The following MPPED1 variants were observed in gnomAD, a reference collection of about 807,000 sequenced individuals.
The protein encoded by MPPED1 is metallophosphoesterase domain containing 1.
MPPED1 carries 16 observed loss-of-function variants against 36.2 expected under a neutral mutation model. The observed-to-expected ratio is 0.44, with a 90% confidence interval of 0.30 to 0.67. The LOEUF (loss-of-function observed/expected upper bound fraction) is 0.67. Among genes scored for constraint, MPPED1 ranks in the 30% least tolerant of loss-of-function variants. The pLI, the probability that MPPED1 is intolerant of heterozygous loss-of-function variation, is 0.10. For synonymous variants in MPPED1, 199 were observed against 191.3 expected (o/e 1.04, Z -0.33); for missense variants, 307 against 453.4 (o/e 0.68, Z 2.93).
intron 3 of MPPED1, among the ~76,000 whole-genome samples, chr22:43,467,831 G>A (rs995120097): frequency 1.4e-5 from 2 of 145,706 alleles, no homozygotes; most frequent in African/African-American, 5.7e-5. Context: ...TCAATACTTT[G>A]CTCCGGGAAT....
In MPPED1 at chr22:43,505,541, G is replaced by A. The variant is rs199956715; in HGVS notation, c.906G>A (p.Ala302=). 2.0e-4 allele frequency: 326 copies of A among 1,612,476 alleles called. No homozygotes were observed. Among genetic ancestry groups the A allele is most frequent in the Non-Finnish European group, 2.6e-4 (310 of 1,179,388 alleles). The change falls in exon 7 of 7, where the codon GCG becomes GCA. Residue 302 remains alanine, a synonymous_variant. Coordinates refer to ENST00000443721, the MANE Select transcript of MPPED1 (RefSeq NM_001044370.2). ...MADGTTTYVN[A]SVCTVNYQPV... ...ATGGGACGACCACCTATGTGAATGC[G>A]TCCGTATGCACTGTGAACTACCAGC...
chr22:43,445,035 G>A (rs1465860927), intron 3 of MPPED1, among the ~76,000 whole-genome samples: 4 of 152,300 alleles, frequency 2.6e-5, no homozygotes, highest in African/African-American at 9.6e-5. Context: ...ACTAGGGTCT[G>A]AGCTTCCTGG....
intron 4 of MPPED1, among the ~76,000 whole-genome samples, chr22:43,496,017 A>T (rs1299947112): frequency 9.4e-5 from 4 of 42,630 alleles, no homozygotes; most frequent in South Asian, 7.7e-4. Flanking sequence ...GTGGTGGTGG[A>T]GGTGGTGATG....
chr22:43,439,413 G>C (rs1569070032), intron 3 of MPPED1, among the ~76,000 whole-genome samples: 1 of 152,260 alleles, frequency 6.6e-6, no homozygotes, highest in Non-Finnish European at 1.5e-5. Flanking sequence ...AAATGGCAAA[G>C]AATGTGCAGG....
At chr22:43,471,349 T>A (rs1931369474) in intron 3 of MPPED1, among the ~76,000 whole-genome samples, 1 of 152,094 alleles carries the variant, frequency 6.6e-6, no homozygotes, top group Admixed American at 6.5e-5. Flanking sequence ...TCTGGCTGCC[T>A]CCCTGCTGCA....
At chr22:43,440,531 T>C (rs1347145082) in intron 3 of MPPED1, among the ~76,000 whole-genome samples, 3 of 152,214 alleles carry the variant, frequency 2.0e-5, no homozygotes, top group African/African-American at 7.2e-5. Context: ...AAGGCAAGAA[T>C]GCCAGGTCCA....
At chr22:43,447,880 T>TA (rs1569073387) in intron 3 of MPPED1, among the ~76,000 whole-genome samples, 1 of 34,408 alleles carries the variant, frequency 2.9e-5, no homozygotes, top group Non-Finnish European at 4.8e-5. Flanking sequence ...TATATATATA[T>TA]ATATTTTTTT....
chr22:43,496,062 A>AGGT (rs1569089350), intron 4 of MPPED1, among the ~76,000 whole-genome samples: 6 of 22,832 alleles, frequency 2.6e-4, no homozygotes, highest in Admixed American at 5.2e-4. Context: ...GTGATGGTGG[A>AGGT]GGTGGTGGTG....
At chr22:43,477,163 G>A (rs917572401) in intron 4 of MPPED1, among the ~76,000 whole-genome samples, 5 of 152,202 alleles carry the variant, frequency 3.3e-5, no homozygotes, top group Non-Finnish European at 5.9e-5. Context: ...AGGAGGCAGA[G>A]GGAGACCACA....
chr22:43,492,021 ATGATGGAGGTGGTGGAGGTGGTGG>A (rs1316545475), intron 4 of MPPED1, among the ~76,000 whole-genome samples: 1 of 125,650 alleles, frequency 8.0e-6, no homozygotes, highest in Non-Finnish European at 1.7e-5. Context: ...GATGTTGGTG[ATGATGGAGGTGGTGGAGGTGGTGG>A]TGATGGAGGT....
chr22:43,489,590 C>T (rs1265526908), intron 4 of MPPED1, among the ~76,000 whole-genome samples: 2 of 152,028 alleles, frequency 1.3e-5, no homozygotes, highest in African/African-American at 4.8e-5. Context: ...ATGATCTCAG[C>T]TCACTGCAAC....
intron 4 of MPPED1, among the ~76,000 whole-genome samples, chr22:43,495,969 A>T: frequency 9.6e-6 from 1 of 104,276 alleles, no homozygotes; most frequent in African/African-American, 3.8e-5. Flanking sequence ...GTGGTGGTGG[A>T]GATGGTGGTG....
At chr22:43,423,100 G>C (rs769004157) in intron 1 of MPPED1, among the ~76,000 whole-genome samples, 3 of 152,166 alleles carry the variant, frequency 2.0e-5, no homozygotes, top group Admixed American at 6.5e-5. Context: ...GCCTCCCGAA[G>C]TGCTGGGATT....
At chr22:43,427,892 G>A (rs1007892898) in intron 2 of MPPED1, among the ~76,000 whole-genome samples, 2 of 152,290 alleles carry the variant, frequency 1.3e-5, no homozygotes, top group Non-Finnish European at 2.9e-5. Flanking sequence ...TGCATTCTCA[G>A]TGGAGGAAAC....
intron 4 of MPPED1, among the ~76,000 whole-genome samples, chr22:43,491,762 G>GATAGAGGTGGTA: frequency 6.6e-6 from 1 of 151,182 alleles, no homozygotes; most frequent in African/African-American, 2.4e-5. Context: ...AGGTAGTGGT[G>GATAGAGGTGGTA]ATGGAGGTGG....
chr22:43,503,206 C>T (rs574237588), intron 6 of MPPED1, among the ~76,000 whole-genome samples: 43 of 152,304 alleles, frequency 2.8e-4, no homozygotes, highest in Admixed American at 2.5e-3. Flanking sequence ...GGAGGGACTA[C>T]CTGTGATGGT....
intron 3 of MPPED1, among the ~76,000 whole-genome samples, chr22:43,438,009 G>C (rs1930022551): frequency 6.6e-6 from 1 of 152,134 alleles, no homozygotes; most frequent in Non-Finnish European, 1.5e-5. Context: ...AAAGAGACTG[G>C]AAAGAAACAT....
intron 1 of MPPED1, among the ~76,000 whole-genome samples, chr22:43,415,284 A>G (rs1003625438): frequency 1.1e-4 from 16 of 151,426 alleles, no homozygotes; most frequent in African/African-American, 3.9e-4. Context: ...AAAAAATAAG[A>G]GACCCCTTTT....
At chr22:43,412,263 C>A in intron 1 of MPPED1, 105 bp downstream of exon 1, 1 of 727,186 alleles carries the variant, frequency 1.4e-6, no homozygotes, top group Non-Finnish European at 1.7e-6. Flanking sequence ...CGGCGCTGCG[C>A]AGGGGCGCCC....
Sources: allele counts gnomAD v4.1 joint callset (sites outside exome capture counted in the v4.1 genomes callset), GRCh38; gene constraint gnomAD v4.1.1; transcripts MANE v1.5; gene names NCBI Gene and HGNC (gene_info 2026-07-23, HGNC 2026-07-21).